The following RFC3 variants were observed in gnomAD, a reference collection of about 807,000 sequenced individuals.
RFC3 encodes the protein replication factor C subunit 3.
In RFC3, 41 loss-of-function variants were observed where a neutral mutation model predicts 45.1. The observed-to-expected ratio is 0.91, with a 90% confidence interval of 0.71 to 1.18. The LOEUF is 1.18. RFC3 is among the 50% of genes most tolerant of loss of function. The pLI is 0.00. For missense variants in RFC3, 423 were observed against 428.1 expected (o/e 0.99, Z 0.10); for synonymous variants, 149 against 144.0 (o/e 1.03, Z -0.25).
In RFC3 at chr13:33,867,247, A is replaced by G. The variant is rs563567275; in HGVS notation, c.879+32030A>G. On this transcript the variant is annotated intron_variant, in intron 8 of 8. Transcript: ENST00000434425. ...ATCCAGAATACACTCTAAACTGTCA[A>G]CTGAAACACAGTACTCTTTCTTCCA... is the stretch of plus-strand genomic sequence containing the variant. 2.1e-3 allele frequency among the ~76,000 whole-genome samples: 327 copies of G among 152,344 alleles called. 1 individual carries two copies. The highest frequency in any genetic ancestry group is 7.6e-3 in the African/African-American group (317 of 41,566).
intron 8 of RFC3, among the ~76,000 whole-genome samples, chr13:33,925,233 T>C (rs926423539): frequency 1.4e-4 from 11 of 78,380 alleles, no homozygotes; most frequent in African/African-American, 5.6e-4. Context: ...TACATACACA[T>C]ATAGTGTACT....
rs141537316 is a variant in RFC3, at chr13:33,882,048, A to T, written c.879+46831A>T. Reference sequence around the variant, plus strand: ...CTAACTTCTCTGCAAATTGGGGGGAACTTTTTGTTTTGTTTTCATTTTTTA... The same window carrying T: ...CTAACTTCTCTGCAAATTGGGGGGATCTTTTTGTTTTGTTTTCATTTTTTA... On this transcript the variant is annotated intron_variant, in intron 8 of 8. Coordinates refer to the RFC3 transcript ENST00000434425. Among the ~76,000 whole-genome samples the T allele has an allele frequency of 4.4e-3, 677 of 152,270 alleles. 3 individuals are homozygous for T. The highest frequency in any genetic ancestry group is 7.8e-3 in the Non-Finnish European group (533 of 68,018).
chr13:33,854,609 G>A (rs2082297392), intron 8 of RFC3, among the ~76,000 whole-genome samples: 2 of 152,144 alleles, frequency 1.3e-5, no homozygotes, highest in South Asian at 4.1e-4. Flanking sequence ...TACAGATGGT[G>A]GAAATAGCCC....
intron 8 of RFC3, among the ~76,000 whole-genome samples, chr13:33,945,354 G>T (rs574598995): frequency 3.3e-5 from 5 of 152,094 alleles, no homozygotes; most frequent in African/African-American, 1.2e-4. Flanking sequence ...ATATCCTTAC[G>T]AGGGATTCTG....
At chr13:33,841,680 GTCTATGCCCTTAAC>G (rs1475073866), downstream of RFC3, among the ~76,000 whole-genome samples, 1 of 152,142 alleles carries the variant, frequency 6.6e-6, no homozygotes. Context: ...CTGCATAGGG[GTCTATGCCCTTAAC>G]TCTTGCATTG....
At chr13:33,948,332 GA>G (rs748069414) in intron 8 of RFC3, among the ~76,000 whole-genome samples, 3 of 152,228 alleles carry the variant, frequency 2.0e-5, no homozygotes, top group African/African-American at 4.8e-5. Flanking sequence ...CAGAAGTCAA[GA>G]ATTGAGGCTG....
intron 7 of RFC3, among the ~76,000 whole-genome samples, chr13:33,832,697 A>G (rs2082115702): frequency 6.6e-6 from 1 of 152,190 alleles, no homozygotes; most frequent in South Asian, 2.1e-4. Flanking sequence ...TTGATTATCA[A>G]TAAAGAGACC....
At chr13:33,879,439 C>G (rs1368950393) in intron 8 of RFC3, among the ~76,000 whole-genome samples, 1 of 152,160 alleles carries the variant, frequency 6.6e-6, no homozygotes, top group Non-Finnish European at 1.5e-5. Context: ...TCAAGACCTG[C>G]TCTCTGCCTC....
At chr13:33,832,149 A>C (rs190303046) in intron 7 of RFC3, among the ~76,000 whole-genome samples, 3 of 152,320 alleles carry the variant, frequency 2.0e-5, no homozygotes, top group Non-Finnish European at 4.4e-5. Flanking sequence ...CCTCCAAATA[A>C]AAAATGACAA....
chr13:33,969,142 G>A (rs894491727), downstream of RFC3, among the ~76,000 whole-genome samples: 1 of 152,194 alleles, frequency 6.6e-6, no homozygotes, highest in Non-Finnish European at 1.5e-5. Context: ...TACTTTGATT[G>A]CCTTCAACTC....
At chr13:33,968,737 C>T (rs1000074457), downstream of RFC3, among the ~76,000 whole-genome samples, 5 of 152,142 alleles carry the variant, frequency 3.3e-5, no homozygotes, top group South Asian at 2.1e-4. Flanking sequence ...CTTGACTAAG[C>T]ACTTTGCCAG....
At chr13:33,849,116 C>A (rs751125059) in intron 8 of RFC3, 1 of 152,386 alleles carries the variant, frequency 6.6e-6, no homozygotes, top group African/African-American at 2.4e-5. Flanking sequence ...TATTCTATGT[C>A]ATGTGTGCTG....
At chr13:33,831,420 A>G (rs1593616276) in intron 7 of RFC3, 66 bp downstream of exon 7, 1 of 807,178 alleles carries the variant, frequency 1.2e-6, no homozygotes, top group Non-Finnish European at 2.1e-6. Context: ...CATATTAACT[A>G]TTTTATGCTA....
chr13:33,943,471 T>C (rs1478776905), intron 8 of RFC3, among the ~76,000 whole-genome samples: 1 of 152,188 alleles, frequency 6.6e-6, no homozygotes, highest in African/African-American at 2.4e-5. Context: ...CAAAGCTGTC[T>C]AGAAGTGAAG....
chr13:33,913,609 A>T (rs1001944003), intron 8 of RFC3, among the ~76,000 whole-genome samples: 24 of 152,086 alleles, frequency 1.6e-4, no homozygotes, highest in African/African-American at 5.8e-4. Context: ...CAGTTTCTTT[A>T]TCTTTAAATG....
intron 8 of RFC3, among the ~76,000 whole-genome samples, chr13:33,879,368 C>T (rs1419873993): frequency 6.6e-6 from 1 of 152,092 alleles, no homozygotes; most frequent in African/African-American, 2.4e-5. Context: ...TAATTTTATC[C>T]TCAGTCATTT....
the RFC3 span, among the ~76,000 whole-genome samples, chr13:33,976,541 C>A: frequency 8.1e-4 from 124 of 152,188 alleles, no homozygotes; most frequent in African/African-American, 3.0e-3. Flanking sequence ...GTATTTTATA[C>A]TTTAAAGTAG....
At chr13:33,877,714 T>C (rs1350565312) in intron 8 of RFC3, among the ~76,000 whole-genome samples, 1 of 148,522 alleles carries the variant, frequency 6.7e-6, no homozygotes, top group Non-Finnish European at 1.5e-5. Flanking sequence ...AAAATAAGTT[T>C]ATATATAATA....
Position 33,837,097 on chromosome 13 carries a change from T to A in RFC3, c.*802T>A. The A allele has an allele frequency of 1.0e-6, 1 of 953,254 alleles. No homozygotes were observed. The highest frequency in any genetic ancestry group is 1.2e-6 in the Non-Finnish European group (1 of 800,728). The allele number at this position is 953,254 out of a possible 1,614,324, so 59.0% of individuals were successfully genotyped here. ...CGAACAATTCCTTTACTACGAAGTA[T>A]AATTTATAAAATAAAATATACCCAT... On this transcript the variant is annotated 3_prime_UTR_variant, in exon 9 of 9. Coordinates refer to ENST00000380071, the MANE Select transcript of RFC3 (RefSeq NM_002915.4).
Sources: allele counts gnomAD v4.1 joint callset (sites outside exome capture counted in the v4.1 genomes callset), GRCh38; gene constraint gnomAD v4.1.1; transcripts MANE v1.5; gene names NCBI Gene and HGNC (gene_info 2026-07-23, HGNC 2026-07-21).